Variants in GPLD1 observed in about 807,000 individuals in gnomAD.
GPLD1 encodes the protein glycosylphosphatidylinositol specific phospholipase D1, also known as phosphatidylinositol-glycan-specific phospholipase D.
Under a neutral mutation model 112.6 loss-of-function variants are expected in GPLD1, and 84 were observed. The observed-to-expected ratio is 0.75, with a 90% CI of 0.63 to 0.89. The LOEUF (loss-of-function observed/expected upper bound fraction) is 0.89, where lower values mean the gene tolerates loss of function less well. Among genes scored for constraint, GPLD1 ranks in the 40% least tolerant of loss-of-function variants. GPLD1 has a pLI of 0.00. For synonymous variants in GPLD1, 386 were observed against 403.8 expected, an observed-to-expected ratio of 0.96 and a Z score of 0.53; for missense variants, 1,044 against 1,051.5, an observed-to-expected ratio of 0.99 and a Z score of 0.10.
intron 14 of GPLD1, among the ~76,000 whole-genome samples, chr6:24,453,138 G>T (rs571407553): frequency 4.6e-5 from 7 of 152,312 alleles, no homozygotes; most frequent in African/African-American, 1.7e-4. Context: ...GTCACTGCGG[G>T]TTTTTTCAGG....
chr6:24,486,225 G>T (rs746181604), intron 1 of GPLD1, 95 bp from the exon 2 acceptor site: 4 of 794,950 alleles, frequency 5.0e-6, no homozygotes, highest in Non-Finnish European at 8.5e-6. Flanking sequence ...CACAATTTGT[G>T]GTTATAACTG....
chr6:24,456,426 A>T, intron 13 of GPLD1, 72 bp downstream of exon 13: 14 of 974,566 alleles, frequency 1.4e-5, no homozygotes, highest in Non-Finnish European at 2.0e-5. Flanking sequence ...TGAAATAAAA[A>T]ACAGTTGCAG....
At position 24,495,089 on chromosome 6, in the gene GPLD1, G is replaced by A. The variant is rs920257954; in HGVS notation, n.117C>T. 2.3e-6 allele frequency: 3 copies of A among 1,321,700 alleles called. No homozygotes were observed. Among genetic ancestry groups the A allele is most frequent in the Non-Finnish European group, 2.9e-6 (3 of 1,039,924 alleles). The allele number at this position is 1,321,700 out of a possible 1,614,324, so 81.9% of individuals were successfully genotyped here. On this transcript the variant is annotated non_coding_transcript_exon_variant, in exon 1 of 11. Transcript: ENST00000474784. The stretch of plus-strand genomic sequence containing the variant: ...GCCTCCGCCCCCGCGCCGGCGGCCT[G>A]GTCCCTGCCTCCGGGCCTGCGCCCG...
Position 24,467,210 on chromosome 6 carries a change from C to T in GPLD1, c.610G>A (p.Glu204Lys), listed in dbSNP as rs143246933. The T allele has an allele frequency of 1.1e-5, 17 of 1,607,488 alleles. No homozygotes were observed. Among genetic ancestry groups the T allele is most frequent in the African/African-American group, 9.4e-5 (7 of 74,790 alleles). ...TGTGAACAATCAACGATTACATTTT[C>T]GGTGATGACTTTTCGACCATACAGT... ...EKLYGRKVIT[E>K]NVIVDCSHIQ... Residue 204 changes from glutamate to lysine, a missense_variant, in exon 8 of 25, where the codon GAA (glutamate) becomes AAA (lysine). Glu to Lys is a moderately conservative substitution (Grantham distance 56). Transcript: ENST00000230036.
At chr6:24,433,273 A>C (rs1196104161) in intron 23 of GPLD1, 36 bp from the exon 24 acceptor site, 2 of 1,596,668 alleles carry the variant, frequency 1.3e-6, no homozygotes, top group Admixed American at 3.3e-5. Flanking sequence ...GGCTTTGAAG[A>C]ACATAGTGTA....
In GPLD1 at chr6:24,476,254, C is replaced by A; in HGVS notation, c.257G>T (p.Ser86Ile). 6.4e-7 allele frequency: 1 copy of A among 1,555,374 alleles called. No homozygotes were observed. Among genetic ancestry groups the A allele is most frequent in the Admixed American group, 1.8e-5 (1 of 55,024 alleles). Residue 86 changes from serine to isoleucine, a missense_variant, in exon 4 of 25, where the codon AGC (serine) becomes ATC (isoleucine). Transcript: ENST00000230036. ...KGGKFHDVSE[S>I]THWTPFLNAS... ...ATTAAGAAACGGAGTCCAGTGAGTG[C>A]TCTCAGACACATCATGGAATTTTCC... is the stretch of plus-strand genomic sequence containing the variant.
intron 15 of GPLD1, 69 bp downstream of exon 15, chr6:24,449,720 G>T: frequency 9.9e-7 from 1 of 1,011,660 alleles, no homozygotes; most frequent in Non-Finnish European, 1.5e-6. Context: ...TCATCCCAGC[G>T]TTGGCCTCCC....
intron 2 of GPLD1, 57 bp downstream of exon 2, chr6:24,486,018 G>T: frequency 2.0e-6 from 2 of 993,604 alleles, no homozygotes; most frequent in South Asian, 1.4e-5. Flanking sequence ...ATCTTTGTTT[G>T]GCACCTATAA....
At chr6:24,431,298 C>T (rs793689) in intron 24 of GPLD1, among the ~76,000 whole-genome samples, 40,478 of 151,970 alleles carry the variant, frequency 0.27, 6,471 homozygotes, top group East Asian at 0.6. Context: ...TCTTACAGAC[C>T]TGGTTATATA....
At chr6:24,436,879 G>C in intron 21 of GPLD1, 143 bp from the exon 22 acceptor site, 1 of 870,046 alleles carries the variant, frequency 1.1e-6, no homozygotes, top group Non-Finnish European at 1.7e-6. Flanking sequence ...TCCTGGCAAA[G>C]GCTTTTGTTT....
intron 1 of GPLD1, among the ~76,000 whole-genome samples, chr6:24,488,502 C>T (rs1471490692): frequency 6.6e-6 from 1 of 151,942 alleles, no homozygotes; most frequent in East Asian, 1.9e-4. Context: ...AATTCTATTA[C>T]AAATTGACTC....
At chr6:24,480,784 C>T (rs2127367363) in intron 2 of GPLD1, among the ~76,000 whole-genome samples, 1 of 152,332 alleles carries the variant, frequency 6.6e-6, no homozygotes, top group Admixed American at 6.5e-5. Context: ...TGTCTAGCTG[C>T]ATGCTATAGG....
chr6:24,456,520 A>G lies in GPLD1; in HGVS notation c.1126T>C (p.Phe376Leu). The G allele has an allele frequency of 6.2e-7, 1 of 1,610,028 alleles. No homozygotes were observed. The highest frequency in any genetic ancestry group is 2.2e-5 in the East Asian group (1 of 44,868). ...TACCAGCCAAGCCTCGCATAAGGAA[A>G]TGACAAGAAGTAAGATGCTAAGGGG... The part of the protein sequence containing the change: ...SSPLASYFLS[F>L]PYARLGWAMT... Residue 376 changes from phenylalanine to leucine, a missense_variant, in exon 13 of 25, where the codon TTT (phenylalanine) becomes CTT (leucine). Physicochemically the swap from Phe to Leu is conservative, Grantham distance 22. Coordinates refer to ENST00000230036, the MANE Select transcript of GPLD1 (RefSeq NM_001503.4).
At chr6:24,466,980 G>C in intron 8 of GPLD1, 41 bp from the exon 9 acceptor site, 1 of 1,550,468 alleles carries the variant, frequency 6.4e-7, no homozygotes, top group Non-Finnish European at 8.9e-7. Flanking sequence ...GTTGCAGTTT[G>C]TAACAGAGAA....
At chr6:24,487,911 AAAG>A (rs1239530808) in intron 1 of GPLD1, among the ~76,000 whole-genome samples, 13 of 152,176 alleles carry the variant, frequency 8.5e-5, no homozygotes, top group African/African-American at 2.9e-4. Context: ...TTCATCTGTA[AAAG>A]AAGAGAACTG....
In GPLD1 at chr6:24,430,610, A is replaced by G. The variant is rs1036492309; in HGVS notation, c.2437-1492T>C. 3.3e-5 allele frequency among the ~76,000 whole-genome samples: 5 copies of G among 151,860 alleles called. No homozygotes were observed. In the East Asian group the frequency reaches 9.6e-4, roughly 29 times the overall value. On this transcript the variant is annotated intron_variant, in intron 24 of 24. Transcript: ENST00000230036. Reference sequence around the variant, plus strand: ...GAGACAGTGAGAGCACTACTTACTTAAGTAGACGCCGGATCCTAATTCTAG... The same window carrying G: ...GAGACAGTGAGAGCACTACTTACTTGAGTAGACGCCGGATCCTAATTCTAG...
At chr6:24,435,382 G>A (rs1480181483) in intron 22 of GPLD1, among the ~76,000 whole-genome samples, 1 of 152,036 alleles carries the variant, frequency 6.6e-6, no homozygotes, top group African/African-American at 2.4e-5. Context: ...CACAATAAAT[G>A]GTAGTAATTA....
rs763816962 is a variant in GPLD1, at chr6:24,426,197, T to TTTAC, written c.*2834_*2835insGTAA. 7 of 152,258 alleles carry TTTAC rather than the reference T, an allele frequency of 4.6e-5. No individual in the cohort carries two copies. The highest frequency in any genetic ancestry group is 7.3e-5 in the Non-Finnish European group (5 of 68,044). 9.4% of individuals were successfully genotyped at this position (152,258 alleles called of 1,614,324 possible). Reference sequence around the variant, plus strand: ...AAGATAAATTTCAGTTAAACTTGTATAAGTTCAGATTTCTGTTAATGAGAA... The same window carrying TTTAC: ...AAGATAAATTTCAGTTAAACTTGTATTTACAAGTTCAGATTTCTGTTAATGAGAA... On this transcript the variant is annotated 3_prime_UTR_variant, in exon 25 of 25. Transcript: ENST00000230036.
At chr6:24,462,896 A>G (rs1763482857) in intron 10 of GPLD1, 101 bp from the exon 11 acceptor site, 3 of 876,906 alleles carry the variant, frequency 3.4e-6, no homozygotes, top group Non-Finnish European at 5.8e-6. Context: ...CCAAAGGCTT[A>G]AAGTGTTTAT....
Sources: allele counts gnomAD v4.1 joint callset (sites outside exome capture counted in the v4.1 genomes callset), GRCh38; gene constraint gnomAD v4.1.1; transcripts MANE v1.5; gene names NCBI Gene and HGNC (gene_info 2026-07-23, HGNC 2026-07-21).